The following NKTR variants were observed in gnomAD, a reference collection of about 807,000 sequenced individuals.
NKTR encodes the protein natural killer cell triggering receptor, also known as NK-tumor recognition protein.
A neutral mutation model predicts 156.3 loss-of-function variants in NKTR; 67 were observed. That is an observed-to-expected ratio of 0.43 (90% confidence interval 0.35 to 0.53). NKTR has a LOEUF of 0.53. NKTR is among the 20% of genes least tolerant of loss of function. NKTR has a pLI of 0.01. For missense variants in NKTR, 1,604 were observed against 1,730.9 expected (o/e 0.93, Z 1.30); for synonymous variants, 640 against 596.6 (o/e 1.07, Z -1.06).
Position 42,638,732 on chromosome 3 carries a change from CGAAA to C in NKTR, c.3030_3033del (p.Gln1012HisfsTer8). The C allele has an allele frequency of 6.2e-7, 1 of 1,613,910 alleles. No homozygotes were observed. Among genetic ancestry groups the C allele is most frequent in the Non-Finnish European group, 8.5e-7 (1 of 1,179,998 alleles). ...AGACAAAAAGCATAAGGCTCCAAAA[CGAAA>C]GCAAGCATTTCACTGGCAGCCTCCA... On this transcript the variant is annotated frameshift_variant, in exon 13 of 17. Transcript: ENST00000232978. LOFTEE classifies it high-confidence loss of function.
chr3:42,627,409 T>C, intron 6 of NKTR: 1 of 985,160 alleles, frequency 1.0e-6, no homozygotes. Flanking sequence ...ATATTTTAAC[T>C]TCAGTGGCTT....
intron 5 of NKTR, 189 bp downstream of exon 5, chr3:42,619,897 GATTA>G (rs761787242): frequency 2.7e-4 from 381 of 1,416,922 alleles, no homozygotes; most frequent in Non-Finnish European, 3.2e-4. Context: ...TAATTGACAA[GATTA>G]ATTAAGGCTA....
chr3:42,645,575 T>G (rs1002474432), intron 16 of NKTR, among the ~76,000 whole-genome samples: 35 of 152,094 alleles, frequency 2.3e-4, no homozygotes, highest in African/African-American at 8.0e-4. Flanking sequence ...TTGCAGCTAC[T>G]AGGGAGGCTG....
At chr3:42,628,300 C>T (rs906555587) in intron 6 of NKTR, 7 of 985,230 alleles carry the variant, frequency 7.1e-6, no homozygotes, top group African/African-American at 3.5e-5. Context: ...GTTTTCTGCA[C>T]TACTGCTATA....
At chr3:42,624,726 T>C (rs1708219229) in intron 6 of NKTR, among the ~76,000 whole-genome samples, 1 of 152,162 alleles carries the variant, frequency 6.6e-6, no homozygotes. Context: ...CACTCTGCTC[T>C]GAATTTATTT....
intron 2 of NKTR, among the ~76,000 whole-genome samples, chr3:42,616,174 G>A (rs904600511): frequency 6.6e-6 from 1 of 152,078 alleles, no homozygotes; most frequent in African/African-American, 2.4e-5. Flanking sequence ...GAGTCATTTT[G>A]TGTCTGTTCT....
intron 11 of NKTR, 121 bp from the exon 12 acceptor site, chr3:42,635,100 G>T: frequency 5.3e-6 from 3 of 567,436 alleles, no homozygotes; most frequent in Non-Finnish European, 8.6e-6. Flanking sequence ...CATCCTTTTG[G>T]TAACTTCAAT....
chr3:42,614,710 C>T (rs2125774732), intron 2 of NKTR, among the ~76,000 whole-genome samples: 1 of 151,950 alleles, frequency 6.6e-6, no homozygotes, highest in Admixed American at 6.5e-5. Context: ...GTTTTTTTGA[C>T]CTTGGTTTTT....
At chr3:42,607,144 C>T (rs746730202) in intron 2 of NKTR, among the ~76,000 whole-genome samples, 1 of 152,212 alleles carries the variant, frequency 6.6e-6, no homozygotes, top group African/African-American at 2.4e-5. Context: ...TGTCACACAG[C>T]ACTCAGAATC....
chr3:42,619,811 G>T, intron 5 of NKTR, 103 bp downstream of exon 5: 1 of 1,539,454 alleles, frequency 6.5e-7, no homozygotes, highest in Non-Finnish European at 8.7e-7. Flanking sequence ...TTCACTTTTT[G>T]CATGAAACTA....
chr3:42,642,948 A>G (rs1328890430), intron 14 of NKTR, among the ~76,000 whole-genome samples: 1 of 152,208 alleles, frequency 6.6e-6, no homozygotes, highest in African/African-American at 2.4e-5. Context: ...ACCAAGAGGA[A>G]GAAGTATATA....
At position 42,607,969 on chromosome 3, in the gene NKTR, C is replaced by CTTTTTTTTTT. The variant is rs201803926; in HGVS notation, c.58+6939_58+6948dup. ...TGCCAATCGCAAGTCCTGAGTCGCT[C>CTTTTTTTTTT]TTTTTTTTTTTTTTTTTTTTTTTTT... On this transcript the variant is annotated intron_variant, in intron 2 of 16. Transcript: ENST00000232978. Among the ~76,000 whole-genome samples the CTTTTTTTTTT allele has an allele frequency of 5.3e-4, 40 of 74,948 alleles. 2 individuals carry two copies. The highest frequency in any genetic ancestry group is 6.2e-4 in the Non-Finnish European group (21 of 33,906). 49.2% of individuals were successfully genotyped at this position (74,948 alleles called of 152,430 possible).
chr3:42,612,909 A>T (rs190536644), intron 2 of NKTR, among the ~76,000 whole-genome samples: 1 of 151,254 alleles, frequency 6.6e-6, no homozygotes, highest in Non-Finnish European at 1.5e-5. Flanking sequence ...CCACTTACAT[A>T]TTTTTTCCTG....
At chr3:42,605,682 T>G (rs933267534) in intron 2 of NKTR, among the ~76,000 whole-genome samples, 7 of 152,212 alleles carry the variant, frequency 4.6e-5, no homozygotes, top group Admixed American at 2.0e-4. Flanking sequence ...TGGTTTGTTC[T>G]GAGGGAATAG....
chr3:42,600,868 G>A lies in NKTR; in HGVS notation c.-24+90G>A, dbSNP rs563596611. On this transcript the variant is annotated intron_variant, in intron 1 of 16. Transcript: ENST00000232978. ...CCTCGTCTTGGCCTCCTGCGCTGTC[G>A]CGACGGGCCGGCGTGAGGCACCGTG... 62 of 596,150 alleles carry A rather than the reference G, an allele frequency of 1.0e-4. No individual in the cohort carries two copies. In the African/African-American group the frequency reaches 1.1e-3, roughly 11 times the overall value. The allele number at this position is 596,150 out of a possible 1,614,324, so 36.9% of individuals were successfully genotyped here.
chr3:42,625,549 T>C (rs1280940579), intron 6 of NKTR, among the ~76,000 whole-genome samples: 2 of 151,624 alleles, frequency 1.3e-5, no homozygotes, highest in African/African-American at 4.9e-5. Flanking sequence ...AGTTGAGGAG[T>C]AGTTGGTTTT....
chr3:42,604,656 C>T (rs1296919932), intron 2 of NKTR, among the ~76,000 whole-genome samples: 3 of 82,894 alleles, frequency 3.6e-5, no homozygotes, highest in Non-Finnish European at 4.9e-5. Context: ...ATCTATTTCT[C>T]TCCTTTTTTT....
intron 6 of NKTR, among the ~76,000 whole-genome samples, chr3:42,623,515 T>G (rs923440074): frequency 2.0e-5 from 3 of 152,118 alleles, no homozygotes; most frequent in Non-Finnish European, 4.4e-5. Context: ...AAAATCAAAT[T>G]AACTTTCATG....
chr3:42,633,530 A>AAAT, intron 9 of NKTR, 50 bp from the exon 10 acceptor site: 1 of 1,568,336 alleles, frequency 6.4e-7, no homozygotes, highest in Non-Finnish European at 8.6e-7. Flanking sequence ...TGCTTTTATT[A>AAAT]TGAAATGCAA....
Sources: gnomAD v4.1 joint callset for allele counts (sites outside exome capture counted in the v4.1 genomes callset) on GRCh38, gnomAD v4.1.1 for gene constraint, MANE v1.5 for transcripts, NCBI Gene and HGNC (gene_info 2026-07-23, HGNC 2026-07-21) for gene names.